OPCML: variants seen among roughly 807,000 people sequenced by gnomAD.
OPCML encodes opioid binding protein/cell adhesion molecule like.
Under a neutral mutation model 37.8 loss-of-function variants are expected in OPCML, and 13 were observed. The ratio of observed to expected loss-of-function variants is 0.34; its 90% CI spans 0.22 to 0.55. The LOEUF (loss-of-function observed/expected upper bound fraction) is 0.55, where lower values mean the gene tolerates loss of function less well. Among genes scored for constraint, OPCML ranks in the 20% least tolerant of loss-of-function variants. The probability of loss-of-function intolerance (pLI) is 0.91; values close to 1 mark genes in which losing one functional copy is unlikely to be tolerated. For synonymous variants in OPCML, 176 were observed against 168.8 expected (o/e 1.04, Z -0.33); for missense variants, 341 against 435.6 (o/e 0.78, Z 1.93).
intron 2 of OPCML, among the ~76,000 whole-genome samples, chr11:132,688,952 G>A (rs1314500040): frequency 1.9e-4 from 1 of 5,220 alleles, no homozygotes; most frequent in African/African-American, 9.8e-4. Flanking sequence ...GCGAGACTCC[G>A]TCTCAAAAAA....
intron 2 of OPCML, among the ~76,000 whole-genome samples, chr11:132,797,757 T>G (rs1591625296): frequency 6.6e-6 from 1 of 152,306 alleles, no homozygotes; most frequent in East Asian, 1.9e-4. Context: ...AAAATAAAAA[T>G]ATTCTATTGT....
chr11:132,501,519 T>C (rs956193366), intron 4 of OPCML, among the ~76,000 whole-genome samples: 28 of 152,176 alleles, frequency 1.8e-4, no homozygotes, highest in African/African-American at 6.8e-4. Context: ...TTGCTGAACA[T>C]TTTTGCTTTT....
intron 7 of OPCML, among the ~76,000 whole-genome samples, chr11:132,429,091 A>G (rs1228295275): frequency 6.6e-6 from 1 of 151,876 alleles, no homozygotes; most frequent in African/African-American, 2.4e-5. Context: ...TGGCAACAGC[A>G]TGATGTGTAA....
rs71038527 is a variant in OPCML, at chr11:133,410,634, TAAAAAAAAAAAAAAAAAAAAAAAAA to T, written c.61+121605_61+121629del. 8.5e-4 allele frequency among the ~76,000 whole-genome samples: 40 copies of T among 47,012 alleles called. 1 individual carries two copies. In the South Asian group the frequency reaches 8.6e-3, roughly 10 times the overall value. The allele number at this position is 47,012 out of a possible 152,430, so 30.8% of individuals were successfully genotyped here. A position where few individuals can be genotyped will look rare whatever the true frequency, so the allele number is the denominator to read the frequency against. ...TGAAAGCACACGTTAAGAAAAAAAG[TAAAAAAAAAAAAAAAAAAAAAAAAA>T]AAAAAAAAAAAAAAGACCTCTCTTT... On this transcript the variant is annotated intron_variant, in intron 1 of 7. Coordinates refer to ENST00000524381, the MANE Select transcript of OPCML (RefSeq NM_001012393.5).
At chr11:132,426,556 C>T (rs562384139) in intron 7 of OPCML, among the ~76,000 whole-genome samples, 9 of 152,052 alleles carry the variant, frequency 5.9e-5, no homozygotes, top group South Asian at 2.1e-4. Context: ...CCTCAGCCTC[C>T]CAAGTAGCAG....
At chr11:132,743,331 C>G (rs1243882324) in intron 2 of OPCML, among the ~76,000 whole-genome samples, 1 of 152,132 alleles carries the variant, frequency 6.6e-6, no homozygotes, top group Non-Finnish European at 1.5e-5. Flanking sequence ...TAGATTAGCA[C>G]TGGGATATGT....
intron 1 of OPCML, among the ~76,000 whole-genome samples, chr11:133,439,583 T>C (rs1237775161): frequency 1.3e-5 from 2 of 152,132 alleles, no homozygotes; most frequent in African/African-American, 4.8e-5. Context: ...TTCTCCTGCC[T>C]CAGCCTCCCG....
At chr11:132,936,392 C>G (rs557378244) in intron 2 of OPCML, among the ~76,000 whole-genome samples, 51 of 152,156 alleles carry the variant, frequency 3.4e-4, no homozygotes, top group Non-Finnish European at 5.9e-4. Context: ...TTTTCTAAAC[C>G]TGGACCCGTA....
At chr11:133,241,232 C>G (rs948912075) in intron 1 of OPCML, among the ~76,000 whole-genome samples, 2 of 152,218 alleles carry the variant, frequency 1.3e-5, no homozygotes, top group African/African-American at 4.8e-5. Flanking sequence ...CGTTAACACT[C>G]GGTTGTTAGA....
At chr11:132,716,588 C>T (rs1163718183) in intron 2 of OPCML, among the ~76,000 whole-genome samples, 1 of 152,150 alleles carries the variant, frequency 6.6e-6, no homozygotes, top group Non-Finnish European at 1.5e-5. Flanking sequence ...TAAATCACTT[C>T]TCTAGGAGAT....
At chr11:133,401,336 G>A (rs1945402360) in intron 1 of OPCML, among the ~76,000 whole-genome samples, 1 of 152,102 alleles carries the variant, frequency 6.6e-6, no homozygotes, top group Admixed American at 6.6e-5. Context: ...TGTATTTTCT[G>A]TAAAAATAAC....
intron 2 of OPCML, among the ~76,000 whole-genome samples, chr11:132,740,305 G>A (rs1483605221): frequency 6.6e-6 from 1 of 152,216 alleles, no homozygotes. Flanking sequence ...GGAATGGGAA[G>A]ACCAGGCAAG....
At chr11:132,724,281 G>A (rs952855390) in intron 2 of OPCML, among the ~76,000 whole-genome samples, 2 of 152,172 alleles carry the variant, frequency 1.3e-5, no homozygotes, top group African/African-American at 4.8e-5. Context: ...GTTCAGAATT[G>A]ACTAAGAATA....
chr11:132,848,443 A>C (rs1326129111), intron 2 of OPCML, among the ~76,000 whole-genome samples: 1 of 152,234 alleles, frequency 6.6e-6, no homozygotes, highest in African/African-American at 2.4e-5. Context: ...CTCATTGTGC[A>C]ACATTCTCTG....
intron 2 of OPCML, among the ~76,000 whole-genome samples, chr11:132,784,014 G>A (rs1947118525): frequency 6.6e-6 from 1 of 152,084 alleles, no homozygotes; most frequent in African/African-American, 2.4e-5. Context: ...AACATCATTT[G>A]TACAATAACA....
chr11:132,963,487 G>A (rs1483088007), intron 1 of OPCML, among the ~76,000 whole-genome samples: 1 of 151,724 alleles, frequency 6.6e-6, no homozygotes, highest in Non-Finnish European at 1.5e-5. Flanking sequence ...AGCTACTCAG[G>A]AGGCTGAGGC....
At position 133,286,723 on chromosome 11, in the gene OPCML, G is replaced by A. The variant is rs115773102; in HGVS notation, c.61+245541C>T. 9.9e-3 allele frequency among the ~76,000 whole-genome samples: 1,513 copies of A among 152,252 alleles called. 26 individuals carry two copies. The highest frequency in any genetic ancestry group is 0.035 in the African/African-American group (1,444 of 41,548). ...TAACCTCAAGAATGTGGAGCAGACA[G>A]ATGCATTTCCAGATAAAACGAACCT... On this transcript the variant is annotated intron_variant, in intron 1 of 7. Coordinates refer to ENST00000524381, the MANE Select transcript of OPCML (RefSeq NM_001012393.5).
intron 2 of OPCML, among the ~76,000 whole-genome samples, chr11:132,885,371 T>C (rs1943370731): frequency 6.6e-6 from 1 of 152,208 alleles, no homozygotes; most frequent in Non-Finnish European, 1.5e-5. Context: ...GTGACTGAGT[T>C]AATTTCTGCC....
At chr11:132,658,865 C>T (rs1941828431) in intron 2 of OPCML, among the ~76,000 whole-genome samples, 1 of 152,216 alleles carries the variant, frequency 6.6e-6, no homozygotes, top group African/African-American at 2.4e-5. Flanking sequence ...TCCTTATACA[C>T]ATGCATGAAC....
Sources: gnomAD v4.1 joint callset for allele counts (sites outside exome capture counted in the v4.1 genomes callset) on GRCh38, gnomAD v4.1.1 for gene constraint, MANE v1.5 for transcripts, NCBI Gene and HGNC (gene_info 2026-07-23, HGNC 2026-07-21) for gene names.